Variants in VPS13A observed in about 807,000 individuals in gnomAD.
VPS13A encodes intermembrane lipid transfer protein VPS13A.
Under a neutral mutation model 390.9 loss-of-function variants are expected in VPS13A, and 264 were observed. The ratio of observed to expected loss-of-function variants is 0.68; its 90% CI spans 0.61 to 0.75. VPS13A has a LOEUF of 0.75. VPS13A is among the 30% of genes least tolerant of loss of function. VPS13A has a pLI of 0.00. For missense variants in VPS13A, 3,409 were observed against 3,733.9 expected (o/e 0.91, Z 2.27); for synonymous variants, 1,231 against 1,227.1 (o/e 1.00, Z -0.07).
At chr9:77,401,768 C>T (rs1239470065) in intron 68 of VPS13A, among the ~76,000 whole-genome samples, 1 of 152,196 alleles carries the variant, frequency 6.6e-6, no homozygotes, top group East Asian at 1.9e-4. Flanking sequence ...GTCATTTCCA[C>T]AGTTGCTTTC....
At chr9:77,364,420 C>T (rs923045014) in intron 59 of VPS13A, among the ~76,000 whole-genome samples, 48 of 151,958 alleles carry the variant, frequency 3.2e-4, no homozygotes, top group African/African-American at 1.0e-3. Context: ...AGCGAGACTC[C>T]GTCTCGAAAA....
rs184269566 is a variant in VPS13A at position 77,201,797 on chromosome 9, T to G, written c.187+390T>G. 7.9e-5 allele frequency among the ~76,000 whole-genome samples: 12 copies of G among 152,316 alleles called. No homozygotes were observed. The East Asian group carries it at 2.3e-3, about 29-fold the overall frequency. On this transcript the variant is annotated intron_variant, in intron 3 of 71. Coordinates refer to ENST00000360280, the MANE Select transcript of VPS13A (RefSeq NM_033305.3). ...CCAGGCCCTGTGACTAGGGGCCGAT[T>G]TGAAAACTAATTTCTGCTCTGCAAG...
Position 77,206,022 on chromosome 9 carries a change from G to A in VPS13A, c.328G>A (p.Ala110Thr). 1 of 1,584,016 alleles carries A rather than the reference G, an allele frequency of 6.3e-7. No individual in the cohort carries two copies. The highest frequency in any genetic ancestry group is 8.6e-7 in the Non-Finnish European group (1 of 1,163,300). ...PLKEEKQLME[A>T]KQQELKRIEE... ...AAAAGAAGAGAAACAACTCATGGAA[G>A]CAAAGCAACAGGAACTGAAAAGAAT... Residue 110 changes from alanine (A) to threonine (T), a missense_variant, in exon 5 of 72, where the codon GCA becomes ACA. Ala to Thr is a moderately conservative substitution (Grantham distance 58). Transcript: ENST00000360280.
Position 77,370,446 on chromosome 9 carries a change from C to CGG in VPS13A, c.8776_8777dup (p.Ala2927ValfsTer7), listed in dbSNP as rs1832687554. 1 of 1,613,998 alleles carries CGG rather than the reference C, an allele frequency of 6.2e-7. No homozygotes were observed. Among genetic ancestry groups the CGG allele is most frequent in the Admixed American group, 1.7e-5 (1 of 59,978 alleles). The stretch of plus-strand genomic sequence containing the variant: ...TGGCTGGTGCTGCCTCCAAAATCAC[C>CGG]GGTGCTATGGCTAAGGGGGTAGCAG... On this transcript the variant is annotated frameshift_variant, in exon 65 of 72. Transcript: ENST00000360280. LOFTEE classifies it high-confidence loss of function.
At position 77,199,928 on chromosome 9, in the gene VPS13A, T is replaced by A. The variant is rs990061243; in HGVS notation, c.101-17T>A. ...AAAATATTTGATTGTTTGAATCTTT[T>A]TTTTAATCTTTTTTAGGAGCTGTGG... On this transcript the variant is annotated splice_polypyrimidine_tract_variant and intron_variant, in intron 1 of 71. Coordinates refer to ENST00000360280, the MANE Select transcript of VPS13A (RefSeq NM_033305.3). 2 of 1,594,752 alleles carry A rather than the reference T, an allele frequency of 1.3e-6. No homozygotes were observed. Among genetic ancestry groups the A allele is most frequent in the Admixed American group, 3.5e-5 (2 of 57,098 alleles).
chr9:77,411,892 TA>T (rs1458206046), intron 71 of VPS13A, among the ~76,000 whole-genome samples: 1 of 151,444 alleles, frequency 6.6e-6, no homozygotes, highest in African/African-American at 2.4e-5. Flanking sequence ...ATAGATGCAA[TA>T]AAAAATGATA....
rs552068196 is a variant in VPS13A, at chr9:77,179,776, A to G, written c.100+1972A>G. 7.0e-5 allele frequency among the ~76,000 whole-genome samples: 7 copies of G among 99,948 alleles called. No homozygotes were observed. In the Admixed American group the frequency reaches 7.3e-4, roughly 10 times the overall value. 65.6% of individuals were successfully genotyped at this position (99,948 alleles called of 152,430 possible). On this transcript the variant is annotated intron_variant, in intron 1 of 71. Coordinates refer to ENST00000360280, the MANE Select transcript of VPS13A (RefSeq NM_033305.3). ...TTCAGTGTTTTTTAGTATAGTCACA[A>G]AATTGTACAACCATCACCACTCTCT...
intron 23 of VPS13A, among the ~76,000 whole-genome samples, chr9:77,270,622 C>T (rs1430347614): frequency 1.3e-5 from 2 of 151,902 alleles, no homozygotes; most frequent in Non-Finnish European, 2.9e-5. Context: ...ACCTGGGAGG[C>T]GGAGGTTGCA....
intron 68 of VPS13A, among the ~76,000 whole-genome samples, chr9:77,389,224 AT>A (rs1833810079): frequency 6.6e-6 from 1 of 152,100 alleles, no homozygotes; most frequent in Non-Finnish European, 1.5e-5. Flanking sequence ...ACTTCTAAAG[AT>A]TAAAAAAGCA....
At chr9:77,328,155 C>CA (rs1417693862) in intron 45 of VPS13A, among the ~76,000 whole-genome samples, 29 of 152,306 alleles carry the variant, frequency 1.9e-4, no homozygotes, top group East Asian at 1.9e-4. Flanking sequence ...GGCATGAAAG[C>CA]AACATTAAGC....
intron 13 of VPS13A, among the ~76,000 whole-genome samples, chr9:77,223,608 A>G (rs918794842): frequency 5.9e-5 from 9 of 152,204 alleles, no homozygotes; most frequent in African/African-American, 2.2e-4. Flanking sequence ...GGCCCTAAAC[A>G]TATTCTCTTC....
intron 46 of VPS13A, among the ~76,000 whole-genome samples, chr9:77,336,706 T>C (rs1213541410): frequency 6.7e-6 from 1 of 149,674 alleles, no homozygotes; most frequent in African/African-American, 2.4e-5. Flanking sequence ...TAAGTGTACT[T>C]TTAAGATAGT....
At chr9:77,253,644 C>G (rs946425349) in intron 22 of VPS13A, among the ~76,000 whole-genome samples, 3 of 152,084 alleles carry the variant, frequency 2.0e-5, no homozygotes, top group African/African-American at 7.2e-5. Context: ...GATATTAACT[C>G]TTTATCAGAT....
At chr9:77,370,367 C>G (rs1264609261) in intron 64 of VPS13A, 35 bp downstream of exon 64, 2 of 1,614,080 alleles carry the variant, frequency 1.2e-6, no homozygotes, top group Admixed American at 3.3e-5. Flanking sequence ...TATTTTTGTG[C>G]TAGAAAGTAA....
chr9:77,193,356 G>A (rs1824796286), intron 1 of VPS13A, among the ~76,000 whole-genome samples: 1 of 152,160 alleles, frequency 6.6e-6, no homozygotes, highest in Non-Finnish European at 1.5e-5. Context: ...TCACTAGGCT[G>A]GGTACAGTGG....
chr9:77,230,787 A>G (rs1823786078), intron 17 of VPS13A, among the ~76,000 whole-genome samples: 1 of 152,122 alleles, frequency 6.6e-6, no homozygotes, highest in Non-Finnish European at 1.5e-5. Context: ...ATTGTGTTGA[A>G]TTTTGTGGAT....
At chr9:77,345,258 A>C in intron 52 of VPS13A, 116 bp downstream of exon 52, 2 of 1,143,590 alleles carry the variant, frequency 1.7e-6, no homozygotes, top group African/African-American at 1.5e-5. Context: ...GTAGCTGTGT[A>C]AAACAGTGTT....
chr9:77,410,646 A>T (rs1482901649), intron 71 of VPS13A, among the ~76,000 whole-genome samples: 1 of 152,202 alleles, frequency 6.6e-6, no homozygotes, highest in Non-Finnish European at 1.5e-5. Context: ...TTGCAATCCT[A>T]GTCTCTGATA....
intron 52 of VPS13A, among the ~76,000 whole-genome samples, chr9:77,346,313 T>C: frequency 6.6e-6 from 1 of 152,198 alleles, no homozygotes; most frequent in Admixed American, 6.5e-5. Flanking sequence ...CTTGTATATC[T>C]TCTTTTGAGA....
Sources: allele counts gnomAD v4.1 joint callset (sites outside exome capture counted in the v4.1 genomes callset), GRCh38; gene constraint gnomAD v4.1.1; transcripts MANE v1.5; gene names NCBI Gene and HGNC (gene_info 2026-07-23, HGNC 2026-07-21).